Variants in MAPKAP1 observed in about 807,000 individuals in gnomAD.
MAPKAP1 encodes MAPK associated protein 1.
Under a neutral mutation model 65.7 loss-of-function variants are expected in MAPKAP1, and 20 were observed. The ratio of observed to expected loss-of-function variants is 0.30; its 90% CI spans 0.21 to 0.44. The LOEUF is 0.44. Among genes scored for constraint, MAPKAP1 ranks in the 20% least tolerant of loss-of-function variants. The probability of loss-of-function intolerance (pLI) is 1.00; values close to 1 mark genes in which losing one functional copy is unlikely to be tolerated. For synonymous variants in MAPKAP1, 222 were observed against 244.3 expected (o/e 0.91, Z 0.85); for missense variants, 423 against 648.0 (o/e 0.65, Z 3.77).
chr9:125,442,909 C>A (rs1852549672), intron 11 of MAPKAP1, among the ~76,000 whole-genome samples: 1 of 152,234 alleles, frequency 6.6e-6, no homozygotes, highest in African/African-American at 2.4e-5. Flanking sequence ...ATCTCCCACA[C>A]AACTCTTAGG....
chr9:125,481,986 G>A (rs1854334828), intron 9 of MAPKAP1, among the ~76,000 whole-genome samples: 1 of 151,676 alleles, frequency 6.6e-6, no homozygotes, highest in Admixed American at 6.6e-5. Context: ...AAAAACATTA[G>A]CTGGGCATGG....
rs1006243540 is a variant in MAPKAP1 at position 125,594,392 on chromosome 9, T to A, written c.499-8665A>T. Among the ~76,000 whole-genome samples, 20 of 152,148 alleles carry A rather than the reference T, an allele frequency of 1.3e-4. 1 individual carries two copies. The highest frequency in any genetic ancestry group is 1.6e-4 in the Non-Finnish European group (11 of 68,030). ...AGTAATTAAGAGCACAGACTCGGGG[T>A]CAGCTAGGCCCAGGTCGGAATCCTG... On this transcript the variant is annotated intron_variant, in intron 4 of 11. Transcript: ENST00000265960.
rs552013595 is a variant in MAPKAP1 at position 125,530,811 on chromosome 9, T to A, written c.958+12248A>T. 2.6e-5 allele frequency among the ~76,000 whole-genome samples: 4 copies of A among 152,348 alleles called. No individual in the cohort carries two copies. In the East Asian group the frequency reaches 7.7e-4, roughly 29 times the overall value. ...AAAGGTGCAGGCAAAGGCCAAATCA[T>A]ATGGATAGAAAAGGAAGTAAACCAA... On this transcript the variant is annotated intron_variant, in intron 7 of 11. Coordinates refer to ENST00000265960, the MANE Select transcript of MAPKAP1 (RefSeq NM_001006617.3).
intron 1 of MAPKAP1, among the ~76,000 whole-genome samples, chr9:125,693,205 G>A (rs913951875): frequency 5.9e-5 from 9 of 151,926 alleles, no homozygotes; most frequent in South Asian, 2.1e-4. Context: ...CTGATGTCAG[G>A]AGTTTGAGAC....
At chr9:125,692,938 G>GT (rs1359112448) in intron 1 of MAPKAP1, among the ~76,000 whole-genome samples, 1 of 152,150 alleles carries the variant, frequency 6.6e-6, no homozygotes, top group Non-Finnish European at 1.5e-5. Context: ...CTGTGTAAAG[G>GT]TAACTAACCT....
At chr9:125,640,238 G>A (rs958623279) in intron 4 of MAPKAP1, among the ~76,000 whole-genome samples, 1 of 152,002 alleles carries the variant, frequency 6.6e-6, no homozygotes, top group African/African-American at 2.4e-5. Flanking sequence ...CCAGTAGCTG[G>A]GACTACAGGT....
intron 9 of MAPKAP1, among the ~76,000 whole-genome samples, chr9:125,468,414 C>T (rs1048582875): frequency 3.3e-5 from 5 of 152,182 alleles, no homozygotes; most frequent in Admixed American, 2.6e-4. Context: ...CACAGAGAGG[C>T]TATTTACAGC....
intron 10 of MAPKAP1, among the ~76,000 whole-genome samples, chr9:125,462,164 T>C (rs2132977178): frequency 6.6e-6 from 1 of 152,196 alleles, no homozygotes; most frequent in African/African-American, 2.4e-5. Flanking sequence ...CCATGTCAAA[T>C]AGGGAGAAAG....
chr9:125,614,917 T>A (rs999028900), intron 4 of MAPKAP1, among the ~76,000 whole-genome samples: 5 of 152,180 alleles, frequency 3.3e-5, no homozygotes, highest in Admixed American at 6.5e-5. Context: ...AAGAATTTTT[T>A]AAATTTTCAG....
At chr9:125,463,136 A>C (rs1370495762) in intron 10 of MAPKAP1, among the ~76,000 whole-genome samples, 1 of 152,238 alleles carries the variant, frequency 6.6e-6, no homozygotes, top group East Asian at 1.9e-4. Flanking sequence ...CTCGATAGCA[A>C]GACGTATAAT....
Position 125,649,688 on chromosome 9 carries a change from T to C in MAPKAP1, c.498+7963A>G, listed in dbSNP as rs548027609. Among the ~76,000 whole-genome samples the C allele has an allele frequency of 9.5e-4, 142 of 150,150 alleles. 1 individual carries two copies. Among genetic ancestry groups the C allele is most frequent in the Non-Finnish European group, 1.4e-3 (96 of 67,878 alleles). On this transcript the variant is annotated intron_variant, in intron 4 of 11. Transcript: ENST00000265960. ...CAAACACAAACCAGACAATAGGATA[T>C]ACCCCACCTCCCAAAAAGATGTACA...
rs1852393128 is a variant in MAPKAP1, at chr9:125,439,216, T to G, written c.1444-204A>C. On this transcript the variant is annotated intron_variant, in intron 11 of 11. Coordinates refer to ENST00000265960, the MANE Select transcript of MAPKAP1 (RefSeq NM_001006617.3). This position sits in a 1 kb window ranked among gnomAD's most constrained non-coding sequence, Gnocchi z 4.0. ...GCTCTACGATGGGAAAACAGAGGCTTGGAGAAGCCAAGTGGCCAGTCCAGG... is the reference window on the plus strand; with the variant it reads ...GCTCTACGATGGGAAAACAGAGGCTGGGAGAAGCCAAGTGGCCAGTCCAGG... Among the ~76,000 whole-genome samples, 1 of 152,204 alleles carries G rather than the reference T, an allele frequency of 6.6e-6. No homozygotes were observed. The highest frequency in any genetic ancestry group is 1.5e-5 in the Non-Finnish European group (1 of 68,026).
At chr9:125,554,794 C>CAAAAAAAAAAAAAAAAAAAAAAAAA (rs56911891) in intron 6 of MAPKAP1, among the ~76,000 whole-genome samples, 1 of 65,630 alleles carries the variant, frequency 1.5e-5, no homozygotes, top group Non-Finnish European at 2.7e-5. Context: ...AGACACTTAT[C>CAAAAAAAAAAAAAAAAAAAAAAAAA]AAAAAAAAAA....
At chr9:125,490,762 A>G (rs1230826060) in intron 8 of MAPKAP1, among the ~76,000 whole-genome samples, 2 of 152,256 alleles carry the variant, frequency 1.3e-5, no homozygotes, top group African/African-American at 4.8e-5. Flanking sequence ...AGAGGCAGAT[A>G]TGAAAATCCA....
At chr9:125,529,445 T>TA (rs960346376) in intron 7 of MAPKAP1, among the ~76,000 whole-genome samples, 10 of 151,440 alleles carry the variant, frequency 6.6e-5, no homozygotes, top group Non-Finnish European at 1.3e-4. Context: ...CAGGGATTCT[T>TA]AGACTTCAGT....
intron 7 of MAPKAP1, among the ~76,000 whole-genome samples, chr9:125,524,840 T>C (rs1306079342): frequency 1.3e-4 from 20 of 152,204 alleles, no homozygotes; most frequent in Admixed American, 1.3e-3. Flanking sequence ...GAAAAGAAAA[T>C]TTATGACTAA....
Position 125,564,732 on chromosome 9 carries a change from T to C in MAPKAP1, c.672-4923A>G, listed in dbSNP as rs568666578. ...GTGCCTGCATGAAGAAAGATTCTCA[T>C]GTTGCTAAGATTTCTTGCACCGCTC... is the stretch of plus-strand genomic sequence containing the variant. On this transcript the variant is annotated intron_variant, in intron 5 of 11. Transcript: ENST00000265960. Among the ~76,000 whole-genome samples, 85 of 152,358 alleles carry C rather than the reference T, an allele frequency of 5.6e-4. 2 individuals are homozygous for C. The South Asian group carries it at 0.017, about 31-fold the overall frequency.
chr9:125,664,347 CAAAAAAAATA>C (rs1342758374), intron 3 of MAPKAP1, among the ~76,000 whole-genome samples: 7 of 142,528 alleles, frequency 4.9e-5, no homozygotes, highest in Non-Finnish European at 7.6e-5. Flanking sequence ...AACTCCGTCT[CAAAAAAAATA>C]AAAAAAAATA....
intron 1 of MAPKAP1, among the ~76,000 whole-genome samples, chr9:125,690,006 T>C (rs1321304597): frequency 6.6e-6 from 1 of 152,028 alleles, no homozygotes; most frequent in East Asian, 1.9e-4. Context: ...GAGAATTGCT[T>C]GAACCCAGGA....
Sources: gnomAD v4.1 joint callset for allele counts (sites outside exome capture counted in the v4.1 genomes callset) on GRCh38, gnomAD v4.1.1 for gene constraint, Gnocchi (gnomAD v3.1) non-coding constraint, MANE v1.5 for transcripts, NCBI Gene and HGNC (gene_info 2026-07-23, HGNC 2026-07-21) for gene names.